The following REDIC1 variants were observed in gnomAD, a reference collection of about 807,000 sequenced individuals.
REDIC1 encodes regulator of DNA class I crossover intermediates 1.
the REDIC1 span, among the ~76,000 whole-genome samples, chr12:39,849,238 T>C: frequency 6.6e-6 from 1 of 152,050 alleles, no homozygotes; most frequent in Non-Finnish European, 1.5e-5. Context: ...AGTATCTGTA[T>C]ATATATGATT....
chr12:39,763,417 AATTTATCCATGT>A, the REDIC1 span, among the ~76,000 whole-genome samples: 1 of 152,080 alleles, frequency 6.6e-6, no homozygotes, highest in African/African-American at 2.4e-5. Context: ...TCATCTGCAA[AATTTATCCATGT>A]ATTTATTCAT....
At chr12:39,720,863 T>C in the REDIC1 span, 2 of 1,612,954 alleles carry the variant, frequency 1.2e-6, no homozygotes, top group Middle Eastern at 1.7e-4. Context: ...AAGGAAAAAA[T>C]GAATAATTTT....
chr12:39,844,051 G>A, the REDIC1 span, among the ~76,000 whole-genome samples: 10 of 151,816 alleles, frequency 6.6e-5, no homozygotes, highest in African/African-American at 2.2e-4. Flanking sequence ...TTTTGCTTGG[G>A]GCTCATCATT....
At chr12:39,694,800 G>A in the REDIC1 span, among the ~76,000 whole-genome samples, 15 of 152,140 alleles carry the variant, frequency 9.9e-5, no homozygotes, top group East Asian at 1.9e-4. Context: ...CACCCCTCCC[G>A]TAACCCAGAC....
the REDIC1 span, among the ~76,000 whole-genome samples, chr12:39,697,398 T>C: frequency 6.6e-6 from 1 of 152,158 alleles, no homozygotes; most frequent in Non-Finnish European, 1.5e-5. Context: ...ATAAAGTTAA[T>C]GAGCAAGAAG....
chr12:39,664,043 A>G, the REDIC1 span, among the ~76,000 whole-genome samples: 1 of 151,380 alleles, frequency 6.6e-6, no homozygotes, highest in African/African-American at 2.4e-5. Flanking sequence ...ACATATGACA[A>G]CTTCTCTCTT....
chr12:39,728,589 A>T, the REDIC1 span, among the ~76,000 whole-genome samples: 1 of 152,118 alleles, frequency 6.6e-6, no homozygotes, highest in Non-Finnish European at 1.5e-5. Context: ...TTCATCAGGC[A>T]TATTGGCCTG....
the REDIC1 span, among the ~76,000 whole-genome samples, chr12:39,728,706 G>A: frequency 4.8e-5 from 7 of 147,150 alleles, no homozygotes; most frequent in Non-Finnish European, 1.0e-4. Context: ...GTTTGGAGTA[G>A]TTTCAGAAGG....
At chr12:39,644,009 C>A in the REDIC1 span, 2 of 1,037,720 alleles carry the variant, frequency 1.9e-6, no homozygotes, top group Non-Finnish European at 1.4e-6. Context: ...GAGCTCAAAG[C>A]ATGTGGAAAA....
At chr12:39,754,420 T>C in the REDIC1 span, 1 of 152,056 alleles carries the variant, frequency 6.6e-6, no homozygotes, top group South Asian at 2.1e-4. Context: ...TTAAGAACCT[T>C]AGTTAGATGT....
chr12:39,713,027 GTA>G, the REDIC1 span, among the ~76,000 whole-genome samples: 1 of 140,520 alleles, frequency 7.1e-6, no homozygotes, highest in East Asian at 2.1e-4. Flanking sequence ...GTATATACGT[GTA>G]TATGTATATA....
the REDIC1 span, among the ~76,000 whole-genome samples, chr12:39,826,854 A>ATTTTTTTTTTTTTTTT: frequency 2.1e-4 from 14 of 67,388 alleles, no homozygotes; most frequent in East Asian, 6.1e-4. Flanking sequence ...GTCTCTTTCA[A>ATTTTTTTTTTTTTTTT]TTTTTTTTTT....
chr12:39,747,384 TA>T, the REDIC1 span, among the ~76,000 whole-genome samples: 64 of 151,710 alleles, frequency 4.2e-4, 1 homozygote, highest in East Asian at 8.9e-3. Context: ...GAAAAAAGAG[TA>T]AAAAGAAATG....
the REDIC1 span, among the ~76,000 whole-genome samples, chr12:39,843,047 G>A: frequency 3.6e-4 from 55 of 151,452 alleles, no homozygotes; most frequent in East Asian, 1.4e-3. Context: ...ACGTTTTTTC[G>A]CTGTTTTATA....
At chr12:39,793,282 A>G in the REDIC1 span, among the ~76,000 whole-genome samples, 1 of 152,154 alleles carries the variant, frequency 6.6e-6, no homozygotes, top group African/African-American at 2.4e-5. Context: ...CTGACAAAAG[A>G]CGTGCAAAAT....
chr12:39,712,985 GTGTATATACGTGTATATGTATATATACA>G, the REDIC1 span, among the ~76,000 whole-genome samples: 1 of 4,154 alleles, frequency 2.4e-4, no homozygotes, highest in Non-Finnish European at 5.9e-4. Flanking sequence ...ATATATACAT[GTGTATATACGTGTATATGTATATATACA>G]TGTGTATATA....
the REDIC1 span, among the ~76,000 whole-genome samples, chr12:39,653,558 T>TTTTTCTTCTTCTTCTTC: frequency 4.6e-5 from 2 of 43,844 alleles, no homozygotes; most frequent in African/African-American, 6.9e-5. Context: ...CTTCTTCTTC[T>TTTTTCTTCTTCTTCTTC]TTCTTCTTCT....
At chr12:39,764,316 CT>C in the REDIC1 span, 1 of 693,876 alleles carries the variant, frequency 1.4e-6, no homozygotes, top group Non-Finnish European at 2.2e-6. Context: ...TTTCCGATGC[CT>C]TTGGAGGACA....
At chr12:39,693,502 C>T in the REDIC1 span, among the ~76,000 whole-genome samples, 4,990 of 151,460 alleles carry the variant, frequency 0.033, 126 homozygotes, top group East Asian at 0.071. Flanking sequence ...ACGTAAATAC[C>T]CATGAGTCTT....
Sources: allele counts gnomAD v4.1 joint callset (sites outside exome capture counted in the v4.1 genomes callset), GRCh38; gene constraint gnomAD v4.1.1; transcripts MANE v1.5; gene names NCBI Gene and HGNC (gene_info 2026-07-23, HGNC 2026-07-21).